Variants in FAM13A observed in about 807,000 individuals in gnomAD.
FAM13A encodes the protein family with sequence similarity 13 member A, also known as protein FAM13A.
A neutral mutation model predicts 129.6 loss-of-function variants in FAM13A; 76 were observed. That is an observed-to-expected ratio of 0.59 (90% CI 0.49 to 0.71). FAM13A has a LOEUF of 0.71. Among genes scored for constraint, FAM13A ranks in the 30% least tolerant of loss-of-function variants. FAM13A has a pLI of 0.00. For missense variants in FAM13A, 1,108 were observed against 1,249.3 expected, an observed-to-expected ratio of 0.89 and a Z score of 1.70; for synonymous variants, 443 against 449.9, an observed-to-expected ratio of 0.98 and a Z score of 0.20.
At chr4:88,752,578 T>A (rs755429636) in intron 14 of FAM13A, among the ~76,000 whole-genome samples, 1 of 152,200 alleles carries the variant, frequency 6.6e-6, no homozygotes, top group Non-Finnish European at 1.5e-5. Context: ...GCAGAGGACA[T>A]GCTGGTAGAT....
At chr4:88,879,084 A>G (rs1033856648) in intron 6 of FAM13A, among the ~76,000 whole-genome samples, 1 of 152,230 alleles carries the variant, frequency 6.6e-6, no homozygotes, top group Admixed American at 6.5e-5. Flanking sequence ...ACACCTTTAT[A>G]TATAAAACAC....
chr4:89,033,813 CAAAAATA>C (rs1415217829), intron 1 of FAM13A, among the ~76,000 whole-genome samples: 1 of 152,026 alleles, frequency 6.6e-6, no homozygotes, highest in African/African-American at 2.4e-5. Flanking sequence ...TAATGTCTCT[CAAAAATA>C]AACAAGGGGA....
intron 4 of FAM13A, among the ~76,000 whole-genome samples, chr4:88,983,009 A>G (rs1761826883): frequency 6.6e-6 from 1 of 152,166 alleles, no homozygotes; most frequent in Non-Finnish European, 1.5e-5. Flanking sequence ...CTTTGACTCA[A>G]CTAGGGATTT....
intron 7 of FAM13A, among the ~76,000 whole-genome samples, chr4:88,834,395 A>G (rs973683031): frequency 1.3e-5 from 2 of 152,138 alleles, no homozygotes; most frequent in Admixed American, 6.5e-5. Context: ...TAAAATTTCA[A>G]ATTAATTAGG....
At chr4:89,031,765 C>A (rs1212150640) in intron 1 of FAM13A, among the ~76,000 whole-genome samples, 1 of 152,144 alleles carries the variant, frequency 6.6e-6, no homozygotes, top group Non-Finnish European at 1.5e-5. Flanking sequence ...ATTCTGATGA[C>A]CTAATAACTA....
chr4:89,021,244 C>T (rs1767213242), intron 2 of FAM13A, among the ~76,000 whole-genome samples: 1 of 152,166 alleles, frequency 6.6e-6, no homozygotes, highest in South Asian at 2.1e-4. Context: ...TCAGAGAAGG[C>T]CTCCTGGAGG....
At chr4:89,022,730 T>A (rs1335566501) in intron 2 of FAM13A, among the ~76,000 whole-genome samples, 5 of 152,154 alleles carry the variant, frequency 3.3e-5, no homozygotes, top group Non-Finnish European at 7.4e-5. Context: ...AGACTGACAA[T>A]CCATCATGCT....
intron 3 of FAM13A, among the ~76,000 whole-genome samples, chr4:89,011,677 C>G (rs916831895): frequency 6.6e-6 from 1 of 152,186 alleles, no homozygotes; most frequent in Non-Finnish European, 1.5e-5. Context: ...ACAGATAGCT[C>G]TGTCAGATAA....
intron 6 of FAM13A, among the ~76,000 whole-genome samples, chr4:88,878,927 T>A (rs1262512114): frequency 1.3e-5 from 2 of 152,214 alleles, no homozygotes; most frequent in African/African-American, 4.8e-5. Context: ...GGTGTTAGAT[T>A]CCTAGGATAT....
At chr4:88,911,479 C>A (rs572971612) in intron 5 of FAM13A, among the ~76,000 whole-genome samples, 2 of 152,198 alleles carry the variant, frequency 1.3e-5, no homozygotes, top group African/African-American at 4.8e-5. Flanking sequence ...TCTCAAACCC[C>A]TTTCTTTCCA....
At chr4:88,738,620 G>A (rs1228911183) in intron 20 of FAM13A, among the ~76,000 whole-genome samples, 2 of 152,140 alleles carry the variant, frequency 1.3e-5, no homozygotes, top group African/African-American at 2.4e-5. Flanking sequence ...AATTCCCAAG[G>A]GAGTTATCCC....
At chr4:88,931,331 G>C (rs972271804) in intron 5 of FAM13A, among the ~76,000 whole-genome samples, 2 of 152,138 alleles carry the variant, frequency 1.3e-5, no homozygotes, top group Non-Finnish European at 2.9e-5. Flanking sequence ...ATGTGTCAGG[G>C]TAAAGGCCCT....
At chr4:88,748,909 C>T in intron 17 of FAM13A, 43 bp downstream of exon 17, 1 of 1,389,804 alleles carries the variant, frequency 7.2e-7, no homozygotes, top group Non-Finnish European at 1.0e-6. Context: ...GATTCTGCAC[C>T]TGGCTTGTTG....
intron 3 of FAM13A, among the ~76,000 whole-genome samples, chr4:88,997,371 G>T (rs1368251830): frequency 1.3e-5 from 2 of 152,104 alleles, no homozygotes; most frequent in African/African-American, 2.4e-5. Context: ...AAGTTTTCTT[G>T]AAAGTTCTCA....
At chr4:88,781,857 G>A (rs1368934169) in intron 10 of FAM13A, among the ~76,000 whole-genome samples, 8 of 149,494 alleles carry the variant, frequency 5.4e-5, no homozygotes, top group Admixed American at 1.3e-4. Flanking sequence ...GGGGGAGCGG[G>A]GAGGGATAGC....
chr4:88,798,941 G>A (rs1726823143), intron 8 of FAM13A, among the ~76,000 whole-genome samples: 1 of 152,176 alleles, frequency 6.6e-6, no homozygotes, highest in East Asian at 1.9e-4. Flanking sequence ...TCTTTATCAT[G>A]CTGAGGTATA....
intron 14 of FAM13A, among the ~76,000 whole-genome samples, chr4:88,751,750 G>T (rs993727459): frequency 2.0e-5 from 3 of 152,042 alleles, no homozygotes; most frequent in African/African-American, 7.2e-5. Flanking sequence ...CTATCTAAAA[G>T]ATTTAAAAAA....
chr4:88,896,171 C>CA (rs1318080922), intron 6 of FAM13A, among the ~76,000 whole-genome samples: 1 of 150,714 alleles, frequency 6.6e-6, no homozygotes, highest in Non-Finnish European at 1.5e-5. Context: ...ATAGCAAGAA[C>CA]AAAAAACCAA....
intron 4 of FAM13A, among the ~76,000 whole-genome samples, chr4:88,960,968 A>G (rs1189278763): frequency 6.6e-6 from 1 of 152,228 alleles, no homozygotes; most frequent in Non-Finnish European, 1.5e-5. Context: ...AGAAGCACAG[A>G]AAGTGCATTT....
Sources: gnomAD v4.1 joint callset for allele counts (sites outside exome capture counted in the v4.1 genomes callset) on GRCh38, gnomAD v4.1.1 for gene constraint, MANE v1.5 for transcripts, NCBI Gene and HGNC (gene_info 2026-07-23, HGNC 2026-07-21) for gene names.